Variants in FAM53A observed in about 807,000 individuals in gnomAD.
FAM53A encodes protein FAM53A.
In FAM53A, 28 loss-of-function variants were observed where a neutral mutation model predicts 26.6. The ratio of observed to expected loss-of-function variants is 1.05; its 90% CI spans 0.78 to 1.45. The LOEUF (loss-of-function observed/expected upper bound fraction) is 1.45, where lower values mean the gene tolerates loss of function less well. Ranked by LOEUF, FAM53A falls within the 40% of genes most tolerant of loss-of-function variation. The pLI is 0.00. For missense variants in FAM53A, 650 were observed against 575.8 expected (o/e 1.13, Z -1.32); for synonymous variants, 290 against 253.1 (o/e 1.15, Z -1.38).
downstream of FAM53A, among the ~76,000 whole-genome samples, chr4:1,614,369 C>T (rs568124348): frequency 2.3e-5 from 3 of 131,552 alleles, no homozygotes; most frequent in Non-Finnish European, 4.5e-5. Context: ...GATGCAGAGA[C>T]GTGAGGGGGA....
At chr4:1,603,095 C>T in the FAM53A span, among the ~76,000 whole-genome samples, 3 of 152,196 alleles carry the variant, frequency 2.0e-5, no homozygotes, top group African/African-American at 4.8e-5. Flanking sequence ...AAGCCCAGTG[C>T]GGCGGCTCCT....
At chr4:1,580,266 C>T in the FAM53A span, 5 of 152,230 alleles carry the variant, frequency 3.3e-5, no homozygotes, top group Admixed American at 6.5e-5. Context: ...GAACCAACCG[C>T]GGAGGCCAGG....
chr4:1,664,531 A>C (rs1475533053), intron 2 of FAM53A, among the ~76,000 whole-genome samples: 1 of 152,234 alleles, frequency 6.6e-6, no homozygotes, highest in Non-Finnish European at 1.5e-5. Flanking sequence ...TGAATTGGCT[A>C]TTTAAAATAC....
At chr4:1,610,192 A>G in the FAM53A span, among the ~76,000 whole-genome samples, 8 of 151,626 alleles carry the variant, frequency 5.3e-5, no homozygotes, top group African/African-American at 1.9e-4. Context: ...GCCCGTCCAC[A>G]GCAGCTTGTC....
chr4:1,609,833 G>A, the FAM53A span, among the ~76,000 whole-genome samples: 1 of 151,740 alleles, frequency 6.6e-6, no homozygotes, highest in African/African-American at 2.4e-5. Flanking sequence ...CATGGTGGCA[G>A]GCGCCTGTAA....
At chr4:1,614,740 G>A (rs866719210), downstream of FAM53A, among the ~76,000 whole-genome samples, 3 of 152,124 alleles carry the variant, frequency 2.0e-5, no homozygotes, top group African/African-American at 4.8e-5. Flanking sequence ...ATCAATACCC[G>A]GCCCTGCTTT....
downstream of FAM53A, among the ~76,000 whole-genome samples, chr4:1,637,741 C>T (rs1715911396): frequency 6.6e-6 from 1 of 152,136 alleles, no homozygotes; most frequent in Non-Finnish European, 1.5e-5. Context: ...GAGGAGTGGC[C>T]TCACAGGCCC....
chr4:1,608,090 T>C, the FAM53A span, among the ~76,000 whole-genome samples: 23 of 152,218 alleles, frequency 1.5e-4, no homozygotes, highest in East Asian at 4.3e-3. Flanking sequence ...CCAGCCTTGG[T>C]GACAGAGCAA....
chr4:1,584,474 A>G, the FAM53A span, among the ~76,000 whole-genome samples: 2 of 152,242 alleles, frequency 1.3e-5, no homozygotes, highest in African/African-American at 4.8e-5. Flanking sequence ...CTTGCATCTT[A>G]AAACAAGTAT....
At chr4:1,653,418 G>A (rs765084719) in intron 4 of FAM53A, among the ~76,000 whole-genome samples, 2 of 152,142 alleles carry the variant, frequency 1.3e-5, no homozygotes, top group Non-Finnish European at 2.9e-5. Flanking sequence ...TCATCAATAC[G>A]TCGCTGGCAC....
chr4:1,625,652 C>T lies in FAM53A; in HGVS notation c.432-7541G>A, dbSNP rs56010780. 5.7e-5 allele frequency among the ~76,000 whole-genome samples: 7 copies of T among 122,882 alleles called. 1 individual carries two copies. The highest frequency in any genetic ancestry group is 9.0e-5 in the Non-Finnish European group (5 of 55,272). 80.6% of individuals were successfully genotyped at this position (122,882 alleles called of 152,430 possible). A position where few individuals can be genotyped will look rare whatever the true frequency, so the allele number is the denominator to read the frequency against. On this transcript the variant is annotated intron_variant, in intron 1 of 1. Coordinates refer to the FAM53A transcript ENST00000489029. The stretch of plus-strand genomic sequence containing the variant: ...CACGCCAGGTGATCAGAAGGCCCCA[C>T]GTCCCGACCCACGTGGTCAGGGTCA...
At chr4:1,636,493 C>T (rs112236247), downstream of FAM53A, among the ~76,000 whole-genome samples, 10 of 152,364 alleles carry the variant, frequency 6.6e-5, 2 homozygotes, top group African/African-American at 1.7e-4. Context: ...CGGGAGATCC[C>T]GTCCGTCCTC....
chr4:1,585,439 A>T, the FAM53A span, among the ~76,000 whole-genome samples: 1 of 152,056 alleles, frequency 6.6e-6, no homozygotes, highest in African/African-American at 2.4e-5. Flanking sequence ...GGCGCATGCC[A>T]CCACACCCAG....
intron 4 of FAM53A, 79 bp from the exon 5 acceptor site, chr4:1,641,686 C>A: frequency 6.8e-7 from 1 of 1,466,798 alleles, no homozygotes; most frequent in Non-Finnish European, 9.5e-7. Flanking sequence ...CCATCGAGGG[C>A]TCGGTGTGCT....
chr4:1,614,853 G>C (rs560639792), downstream of FAM53A, among the ~76,000 whole-genome samples: 3 of 152,202 alleles, frequency 2.0e-5, no homozygotes, highest in South Asian at 2.1e-4. Flanking sequence ...GAGGCAGGTC[G>C]CCCCACACGC....
At chr4:1,647,875 T>TA (rs1712388449) in intron 4 of FAM53A, among the ~76,000 whole-genome samples, 2 of 152,274 alleles carry the variant, frequency 1.3e-5, no homozygotes, top group African/African-American at 4.8e-5. Context: ...ATCAGAGCAT[T>TA]TCTTTTTGGC....
the FAM53A span, among the ~76,000 whole-genome samples, chr4:1,581,803 C>G: frequency 6.6e-6 from 1 of 152,192 alleles, no homozygotes; most frequent in Non-Finnish European, 1.5e-5. Context: ...CCATGTTGCC[C>G]TGGCTGGTCT....
intron 1 of FAM53A, among the ~76,000 whole-genome samples, chr4:1,677,482 C>A (rs977403812): frequency 1.3e-5 from 2 of 152,226 alleles, no homozygotes; most frequent in Non-Finnish European, 2.9e-5. Flanking sequence ...TGTCTTCACG[C>A]TTATCTCTAA....
chr4:1,598,531 C>T, the FAM53A span, among the ~76,000 whole-genome samples: 1 of 152,266 alleles, frequency 6.6e-6, no homozygotes, highest in African/African-American at 2.4e-5. Flanking sequence ...AGAAGCAGTT[C>T]TGCAGGCAGC....
Sources: gnomAD v4.1 joint callset for allele counts (sites outside exome capture counted in the v4.1 genomes callset) on GRCh38, gnomAD v4.1.1 for gene constraint, MANE v1.5 for transcripts, NCBI Gene and HGNC (gene_info 2026-07-23, HGNC 2026-07-21) for gene names.